Variants in LRRC23 observed in about 807,000 individuals in gnomAD.
LRRC23 encodes the protein leucine rich repeat containing 23.
In LRRC23, 28 loss-of-function variants were observed where a neutral mutation model predicts 37.7. The ratio of observed to expected loss-of-function variants is 0.74; its 90% CI spans 0.55 to 1.02. The LOEUF is 1.02. Ranked by LOEUF, LRRC23 falls within the 50% of genes least tolerant of loss-of-function variation. LRRC23 has a pLI of 0.00. For missense variants in LRRC23, 377 were observed against 413.2 expected (o/e 0.91, Z 0.76); for synonymous variants, 161 against 165.4 (o/e 0.97, Z 0.20).
rs1344275929 is a variant in LRRC23 at position 6,912,827 on chromosome 12, A to G, written c.856A>G (p.Thr286Ala). Residue 286 changes from threonine (T) to alanine (A), a missense_variant, in exon 7 of 8, where the codon ACC becomes GCC. Thr to Ala is a moderately conservative substitution (Grantham distance 58). Coordinates refer to ENST00000443597, the MANE Select transcript of LRRC23 (RefSeq NM_001135217.2). ...GCTTGATAACCCATGCACGGACGAA[A>G]CCAGCTACCGCCAGGAGGCCCTGGT... ...VLLDNPCTDE[T>A]SYRQEALVQM... The G allele has an allele frequency of 6.2e-7, 1 of 1,614,106 alleles. No homozygotes were observed. The highest frequency in any genetic ancestry group is 1.6e-4 in the Middle Eastern group (1 of 6,062).
chr12:6,907,803 C>A, intron 5 of LRRC23: 1 of 460,170 alleles, frequency 2.2e-6, no homozygotes, highest in African/African-American at 2.0e-5. Context: ...CATACGACTT[C>A]CGGGACCAAA....
chr12:6,909,449 A>AT (rs1945099042), intron 5 of LRRC23, among the ~76,000 whole-genome samples: 1 of 91,194 alleles, frequency 1.1e-5, no homozygotes, highest in Admixed American at 2.0e-4. Flanking sequence ...ATAATAGTAT[A>AT]TAATATATAA....
intron 7 of LRRC23, 181 bp from the exon 8 acceptor site, chr12:6,913,710 G>T (rs1945246476): frequency 7.3e-6 from 3 of 411,696 alleles, no homozygotes; most frequent in Middle Eastern, 6.7e-4. Context: ...GACTACAGGC[G>T]CATGCAACCG....
At chr12:6,907,785 A>C in intron 5 of LRRC23, 1 of 511,846 alleles carries the variant, frequency 2.0e-6, no homozygotes, top group Non-Finnish European at 3.5e-6. Flanking sequence ...CACCACAACA[A>C]TCATCAACAT....
intron 5 of LRRC23, 56 bp downstream of exon 5, chr12:6,907,501 G>T (rs782561345): frequency 6.3e-7 from 1 of 1,577,378 alleles, no homozygotes; most frequent in East Asian, 2.2e-5. Flanking sequence ...CTGGGGGTCA[G>T]GATGCCTGCT....
At position 6,913,881 on chromosome 12, in the gene LRRC23, C is replaced by G. The variant is rs782403918; in HGVS notation, c.*25-10C>G. The G allele has an allele frequency of 3.1e-5, 48 of 1,566,132 alleles. No individual in the cohort carries two copies. In the Admixed American group the frequency reaches 4.4e-4, roughly 14 times the overall value. ...CCTGGTCCCTATTTACTTCTGTCTT[C>G]TACCTCCAGGAGATCAAAGACGCTG... is the stretch of plus-strand genomic sequence containing the variant. On this transcript the variant is annotated splice_polypyrimidine_tract_variant and intron_variant, in intron 7 of 7. Coordinates refer to ENST00000443597, the MANE Select transcript of LRRC23 (RefSeq NM_001135217.2).
intron 7 of LRRC23, 69 bp downstream of exon 7, chr12:6,913,096 G>A: frequency 6.7e-7 from 1 of 1,483,086 alleles, no homozygotes; most frequent in Non-Finnish European, 9.2e-7. Flanking sequence ...GAGGCAAGAG[G>A]GGAAGCTGCT....
Position 6,912,954 on chromosome 12 carries a change from A to AG in LRRC23, c.985dup (p.Glu329GlyfsTer3). The AG allele has an allele frequency of 6.2e-7, 1 of 1,614,138 alleles. No homozygotes were observed. Among genetic ancestry groups the AG allele is most frequent in the Non-Finnish European group, 8.5e-7 (1 of 1,180,030 alleles). On this transcript the variant is annotated frameshift_variant, in exon 7 of 8. Coordinates refer to ENST00000443597, the MANE Select transcript of LRRC23 (RefSeq NM_001135217.2). LOFTEE classifies it high-confidence loss of function. ...CAGAGGCTGAAGGAAGAAAAGGAGC[A>AG]GGAGCCTGAGCCCCAGCGTGACCTG... is the stretch of plus-strand genomic sequence containing the variant.
At position 6,906,549 on chromosome 12, in the gene LRRC23, G is replaced by T. The variant is rs782155428; in HGVS notation, c.377G>T (p.Arg126Leu). Residue 126 changes from arginine (R) to leucine (L), a missense_variant, in exon 4 of 8, where the codon CGA becomes CTA. By Grantham distance (102) the Arg-to-Leu change is moderately radical (BLOSUM62 -2). Transcript: ENST00000443597. ...LWLKADGNRL[R>L]SAQMNELPYL... ...CTCAAGGCTGATGGCAATCGGCTGC[G>T]AAGTGCCCAGATGAATGAACTGCCC... 4.3e-6 allele frequency: 7 copies of T among 1,614,100 alleles called. No individual in the cohort carries two copies. In the East Asian group the frequency reaches 1.3e-4, roughly 31 times the overall value.
At chr12:6,909,069 ATATT>A (rs1945034022) in intron 5 of LRRC23, among the ~76,000 whole-genome samples, 1 of 47,862 alleles carries the variant, frequency 2.1e-5, no homozygotes, top group South Asian at 5.7e-4. Flanking sequence ...ATATAAATAT[ATATT>A]ATATATTATA....
Position 6,906,438 on chromosome 12 carries a change from C to T in LRRC23, c.266C>T (p.Ser89Phe), listed in dbSNP as rs782499745. The T allele has an allele frequency of 5.0e-6, 8 of 1,614,120 alleles. No individual in the cohort carries two copies. The East Asian group carries it at 6.7e-5, about 13-fold the overall frequency. Residue 89 changes from serine (S) to phenylalanine (F), a missense_variant, in exon 4 of 8, where the codon TCC (serine) becomes TTC (phenylalanine). Ser to Phe is a radical substitution (Grantham distance 155, BLOSUM62 -2). Around this residue, in one of 3 missense-constraint regions of LRRC23, gnomAD observed 106 missense variants for 105.9 expected, o/e 1.00. Coordinates refer to ENST00000443597, the MANE Select transcript of LRRC23 (RefSeq NM_001135217.2). ...RDLTDIYLLR[S>F]YIHLRYVDIS... ...CTGACAGACATCTACTTGCTGCGCT[C>T]CTACATCCATCTGCGCTATGTGGAT...
chr12:6,907,559 A>G (rs782491129), intron 5 of LRRC23, 114 bp downstream of exon 5: 1 of 1,099,176 alleles, frequency 9.1e-7, no homozygotes, highest in South Asian at 1.3e-5. Flanking sequence ...AATAACTGGT[A>G]TTATTATCAA....
intron 5 of LRRC23, 171 bp downstream of exon 5, chr12:6,907,616 AGGGC>A: frequency 1.4e-6 from 1 of 707,492 alleles, no homozygotes; most frequent in Non-Finnish European, 2.5e-6. Flanking sequence ...GCCACCTAGC[AGGGC>A]TGATAATATA....
rs781879294 is a variant in LRRC23, at chr12:6,905,860, C to G, written c.142C>G (p.Leu48Val). 6.2e-6 allele frequency: 10 copies of G among 1,613,970 alleles called. No individual in the cohort carries two copies. The highest frequency in any genetic ancestry group is 3.3e-5 in the South Asian group (3 of 91,070). The change falls in exon 3 of 8, where the codon CTC (leucine) becomes GTC (valine). Residue 48 changes from leucine to valine, a missense_variant. Physicochemically the swap from Leu to Val is conservative, Grantham distance 32 (BLOSUM62 1). Coordinates refer to ENST00000443597, the MANE Select transcript of LRRC23 (RefSeq NM_001135217.2). The part of the protein sequence containing the change: ...EFPEEWLPTP[L>V]TEDMMKEGLS... ...CTACCTGCAGTGGCTGCCCACCCCCCTCACGGAGGACATGATGAAGGAAGG... is the reference window on the plus strand; with the variant it reads ...CTACCTGCAGTGGCTGCCCACCCCCGTCACGGAGGACATGATGAAGGAAGG...
At chr12:6,909,388 TATAA>T (rs1945092838) in intron 5 of LRRC23, among the ~76,000 whole-genome samples, 2 of 49,266 alleles carry the variant, frequency 4.1e-5, no homozygotes, top group South Asian at 5.6e-4. Context: ...TTATATAATA[TATAA>T]ATATTATATA....
chr12:6,906,835 T>A, intron 4 of LRRC23, 173 bp downstream of exon 4: 1 of 732,262 alleles, frequency 1.4e-6, no homozygotes, highest in Non-Finnish European at 2.2e-6. Flanking sequence ...TAGGATCCAA[T>A]AAGACAAGGA....
intron 6 of LRRC23, among the ~76,000 whole-genome samples, chr12:6,910,624 G>T (rs782014006): frequency 2.6e-5 from 4 of 152,094 alleles, no homozygotes; most frequent in South Asian, 2.1e-4. Flanking sequence ...CGGGAGGATC[G>T]CTGGAGCCTC....
rs1262133347 is a variant in LRRC23 at position 6,913,563 on chromosome 12, T to G, written c.*25-328T>G. 1.9e-3 allele frequency among the ~76,000 whole-genome samples: 227 copies of G among 117,084 alleles called. 3 individuals are homozygous for G. Among genetic ancestry groups the G allele is most frequent in the Admixed American group, 3.2e-3 (39 of 12,370 alleles). 76.8% of individuals were successfully genotyped at this position (117,084 alleles called of 152,430 possible). On this transcript the variant is annotated intron_variant, in intron 7 of 7. Coordinates refer to ENST00000443597, the MANE Select transcript of LRRC23 (RefSeq NM_001135217.2). ...TTTATTTACCTCTGTTTGTTTTTTT[T>G]TTTTTTTTTTTTTTTTTTTTGCGAG...
chr12:6,914,016 G>A lies in LRRC23; in HGVS notation c.*150G>A, dbSNP rs186103744. On this transcript the variant is annotated 3_prime_UTR_variant, in exon 8 of 8. Transcript: ENST00000443597. This position sits in a 1 kb window ranked among gnomAD's most constrained non-coding sequence, Gnocchi z 7.1. The stretch of plus-strand genomic sequence containing the variant: ...GAAATTCATCACAACCTGAGGCCCA[G>A]GATCTGCTCTGTGCCGGTCCTCTGG... 1.9e-6 allele frequency: 3 copies of A among 1,613,666 alleles called. No individual in the cohort carries two copies. Among genetic ancestry groups the A allele is most frequent in the Non-Finnish European group, 2.5e-6 (3 of 1,179,740 alleles).
Sources: allele counts gnomAD v4.1 joint callset (sites outside exome capture counted in the v4.1 genomes callset), GRCh38; gene constraint gnomAD v4.1.1; regional missense constraint gnomAD v4.1.1; non-coding constraint Gnocchi (gnomAD v3.1); transcripts MANE v1.5; gene names NCBI Gene and HGNC (gene_info 2026-07-23, HGNC 2026-07-21).